VPS33A: variants seen among roughly 807,000 people sequenced by gnomAD.
The protein encoded by VPS33A is vacuolar protein sorting-associated protein 33A.
A neutral mutation model predicts 71.8 loss-of-function variants in VPS33A; 32 were observed. The observed-to-expected ratio is 0.45, with a 90% CI of 0.34 to 0.60. The LOEUF is 0.60. Among genes scored for constraint, VPS33A ranks in the 20% least tolerant of loss-of-function variants. VPS33A has a pLI of 0.02. For missense variants in VPS33A, 625 were observed against 748.5 expected (o/e 0.84, Z 1.92); for synonymous variants, 311 against 292.7 (o/e 1.06, Z -0.64).
At chr12:122,240,499 G>A (rs1954699657) in intron 8 of VPS33A, among the ~76,000 whole-genome samples, 1 of 152,098 alleles carries the variant, frequency 6.6e-6, no homozygotes, top group Admixed American at 6.6e-5. Flanking sequence ...TTTCAGTACA[G>A]ACCCCAGAAT....
intron 4 of VPS33A, among the ~76,000 whole-genome samples, chr12:122,258,705 G>T (rs1954950231): frequency 6.6e-6 from 1 of 151,968 alleles, no homozygotes; most frequent in African/African-American, 2.4e-5. Context: ...AACAGGCCAG[G>T]CATGGTGGCT....
intron 1 of VPS33A, chr12:122,265,644 G>GTTCT (rs1955057933): frequency 2.4e-6 from 1 of 422,584 alleles, no homozygotes; most frequent in Non-Finnish European, 4.9e-6. Context: ...ACCTCTTGGG[G>GTTCT]TTCTGTTCTC....
In VPS33A at chr12:122,255,739, A is replaced by G. The variant is rs763741566; in HGVS notation, c.484-4640T>C. Among the ~76,000 whole-genome samples the G allele has an allele frequency of 1.4e-3, 212 of 149,640 alleles. 7 individuals are homozygous for G. Among genetic ancestry groups the G allele is most frequent in the Middle Eastern group, 7.0e-3 (2 of 284 alleles). ...AAAAAAAAAAAAAAAAAAAGCCAAG[A>G]AAGTCCCCTGGTTATAGGATTAGTC... is the stretch of plus-strand genomic sequence containing the variant. On this transcript the variant is annotated intron_variant, in intron 4 of 12. Transcript: ENST00000267199.
intron 4 of VPS33A, among the ~76,000 whole-genome samples, chr12:122,256,480 G>A (rs1199151315): frequency 1.3e-5 from 2 of 151,910 alleles, no homozygotes; most frequent in African/African-American, 4.8e-5. Flanking sequence ...TAGCTAAGAC[G>A]GGAGAATTGC....
chr12:122,232,175 C>T lies in VPS33A; in HGVS notation c.*71G>A. ...CCCATGTTTCTTCTATGGGGTTTTACTTCCTTTCAGCAATTTCTTCAAAGA... is the reference window on the plus strand; with the variant it reads ...CCCATGTTTCTTCTATGGGGTTTTATTTCCTTTCAGCAATTTCTTCAAAGA... On this transcript the variant is annotated 3_prime_UTR_variant, in exon 13 of 13. Transcript: ENST00000267199. 3 of 1,449,428 alleles carry T rather than the reference C, an allele frequency of 2.1e-6. No homozygotes were observed. Among genetic ancestry groups the T allele is most frequent in the Non-Finnish European group, 2.8e-6 (3 of 1,073,098 alleles). The allele number at this position is 1,449,428 out of a possible 1,614,324, so 89.8% of individuals were successfully genotyped here.
In VPS33A at chr12:122,239,897, G is replaced by A; in HGVS notation, c.1145C>T (p.Ser382Phe). 1 of 1,612,746 alleles carries A rather than the reference G, an allele frequency of 6.2e-7. No homozygotes were observed. Among genetic ancestry groups the A allele is most frequent in the African/African-American group, 1.3e-5 (1 of 74,726 alleles). The change falls in exon 9 of 13, where the codon TCT becomes TTT. Residue 382 changes from serine (S) to phenylalanine (F), a missense_variant. Coordinates refer to ENST00000267199, the MANE Select transcript of VPS33A (RefSeq NM_022916.6). ...ACATACCTTATCAGTGTCTATTCCA[G>A]ACATAAACTCCTGTTCCACGGTTAA... is the stretch of plus-strand genomic sequence containing the variant. Reference protein sequence around the residue: ...DKLTVEQEFMSGIDTDKVNNY... With the variant: ...DKLTVEQEFMFGIDTDKVNNY...
chr12:122,230,277 G>A lies in VPS33A; in HGVS notation c.*1969C>T, dbSNP rs1157253458. ...CTCTTTCATTAATAATATTTACCGTGCCCATCAGAACTCCACTAATGGGCC... is the reference window on the plus strand; with the variant it reads ...CTCTTTCATTAATAATATTTACCGTACCCATCAGAACTCCACTAATGGGCC... On this transcript the variant is annotated 3_prime_UTR_variant, in exon 13 of 13. Coordinates refer to ENST00000267199, the MANE Select transcript of VPS33A (RefSeq NM_022916.6). 6.6e-6 allele frequency: 1 copy of A among 152,022 alleles called. No individual in the cohort carries two copies. Among genetic ancestry groups the A allele is most frequent in the African/African-American group, 2.4e-5 (1 of 41,382 alleles). 9.4% of individuals were successfully genotyped at this position (152,022 alleles called of 1,614,324 possible). A position where few individuals can be genotyped will look rare whatever the true frequency, so the allele number is the denominator to read the frequency against.
intron 4 of VPS33A, among the ~76,000 whole-genome samples, chr12:122,256,782 A>T (rs2136145796): frequency 6.6e-6 from 1 of 152,312 alleles, no homozygotes; most frequent in Non-Finnish European, 1.5e-5. Flanking sequence ...AGAGGGGCCT[A>T]CAAACAGGCT....
chr12:122,250,849 T>C lies in VPS33A; in HGVS notation c.600+134A>G, dbSNP rs559574187. 711 of 692,248 alleles carry C rather than the reference T, an allele frequency of 1.0e-3. 8 individuals are homozygous for C. In the African/African-American group the frequency reaches 0.011, roughly 11 times the overall value. The allele number at this position is 692,248 out of a possible 1,614,324, so 42.9% of individuals were successfully genotyped here. ...AGGGTTATAAGTGCATTTTAATCAGTAGGCAAATTCATGAGTACAGTATTC... is the reference window on the plus strand; with the variant it reads ...AGGGTTATAAGTGCATTTTAATCAGCAGGCAAATTCATGAGTACAGTATTC... On this transcript the variant is annotated intron_variant, in intron 5 of 12. Transcript: ENST00000267199.
chr12:122,232,188 A>G lies in VPS33A; in HGVS notation c.*58T>C, dbSNP rs563889481. On this transcript the variant is annotated 3_prime_UTR_variant, in exon 13 of 13. Coordinates refer to ENST00000267199, the MANE Select transcript of VPS33A (RefSeq NM_022916.6). ...TATGGGGTTTTACTTCCTTTCAGCAATTTCTTCAAAGAGGTAGTTTATTCT... is the reference window on the plus strand; with the variant it reads ...TATGGGGTTTTACTTCCTTTCAGCAGTTTCTTCAAAGAGGTAGTTTATTCT... 4.0e-6 allele frequency: 6 copies of G among 1,499,740 alleles called. 1 individual carries two copies. In the South Asian group the frequency reaches 5.2e-5, roughly 13 times the overall value. 92.9% of individuals were successfully genotyped at this position (1,499,740 alleles called of 1,614,324 possible). A position where few individuals can be genotyped will look rare whatever the true frequency, so the allele number is the denominator to read the frequency against.
intron 11 of VPS33A, among the ~76,000 whole-genome samples, chr12:122,233,970 C>G (rs1182664508): frequency 3.3e-5 from 5 of 152,104 alleles, no homozygotes; most frequent in African/African-American, 1.2e-4. Flanking sequence ...AATTTTGCTC[C>G]TGACAGAGGA....
chr12:122,240,599 T>C (rs1353411593), intron 8 of VPS33A, among the ~76,000 whole-genome samples: 2 of 152,142 alleles, frequency 1.3e-5, no homozygotes, highest in Non-Finnish European at 2.9e-5. Flanking sequence ...TCCACTCCTA[T>C]GAACAGGGAA....
intron 1 of VPS33A, chr12:122,265,652 C>A (rs1046826352): frequency 1.4e-5 from 6 of 431,508 alleles, no homozygotes; most frequent in Non-Finnish European, 2.4e-5. Flanking sequence ...GGGTTCTGTT[C>A]TCTACAAGAC....
intron 4 of VPS33A, among the ~76,000 whole-genome samples, chr12:122,256,622 G>A (rs753466266): frequency 3.3e-5 from 5 of 149,396 alleles, no homozygotes; most frequent in East Asian, 3.9e-4. Context: ...CAGCAGCAGC[G>A]GCACCAGCAG....
At position 122,238,601 on chromosome 12, in the gene VPS33A, T is replaced by G; in HGVS notation, c.1288A>C (p.Arg430=). ...LKQKVLDYYK[R]EILQTYGYEH... ...AATATACTCACCTGGAGAATCTCTC[T>G]TTTGTAATAATCCAAAACTTTTTGT... Residue 430 remains arginine, a synonymous_variant, in exon 10 of 13, where the codon AGA becomes CGA. Coordinates refer to ENST00000267199, the MANE Select transcript of VPS33A (RefSeq NM_022916.6). 1 of 1,609,852 alleles carries G rather than the reference T, an allele frequency of 6.2e-7. No individual in the cohort carries two copies. Among genetic ancestry groups the G allele is most frequent in the Non-Finnish European group, 8.5e-7 (1 of 1,178,752 alleles).
At chr12:122,232,525 C>G in intron 12 of VPS33A, 98 bp from the exon 13 acceptor site, 1 of 1,266,896 alleles carries the variant, frequency 7.9e-7, no homozygotes, top group Admixed American at 2.7e-5. Flanking sequence ...TAAACAAGTG[C>G]CTTCATCCAG....
intron 4 of VPS33A, among the ~76,000 whole-genome samples, chr12:122,259,650 T>TTATCATTACAGCTGA (rs1566051827): frequency 6.6e-6 from 1 of 152,022 alleles, no homozygotes; most frequent in Non-Finnish European, 1.5e-5. Flanking sequence ...TGAATGATAA[T>TTATCATTACAGCTGA]ATCATTACAA....
intron 10 of VPS33A, among the ~76,000 whole-genome samples, chr12:122,236,408 G>A (rs1344177574): frequency 6.6e-6 from 1 of 152,182 alleles, no homozygotes; most frequent in African/African-American, 2.4e-5. Flanking sequence ...GGGAGGCCGA[G>A]GCGGGCCAAT....
chr12:122,266,469 C>A lies in VPS33A; in HGVS notation c.-61G>T. On this transcript the variant is annotated 5_prime_UTR_variant, in exon 1 of 13. Transcript: ENST00000267199. ...GAGTCCGCCGGTTCCTACGGGAGGA[C>A]CACGGACGCAGTCACGTGACCAAAC... is the stretch of plus-strand genomic sequence containing the variant. 1.9e-6 allele frequency: 3 copies of A among 1,573,014 alleles called. No individual in the cohort carries two copies. The highest frequency in any genetic ancestry group is 2.6e-6 in the Non-Finnish European group (3 of 1,153,348).
Sources: gnomAD v4.1 joint callset for allele counts (sites outside exome capture counted in the v4.1 genomes callset) on GRCh38, gnomAD v4.1.1 for gene constraint, MANE v1.5 for transcripts, NCBI Gene and HGNC (gene_info 2026-07-23, HGNC 2026-07-21) for gene names.